Variants in OGFOD3 observed in about 807,000 individuals in gnomAD.
OGFOD3 encodes 2-oxoglutarate and iron dependent oxygenase domain containing 3, also known as 2-oxoglutarate and iron-dependent oxygenase domain-containing protein 3.
A neutral mutation model predicts 39.8 loss-of-function variants in OGFOD3; 35 were observed. The ratio of observed to expected loss-of-function variants is 0.88; its 90% confidence interval spans 0.67 to 1.17. The LOEUF (loss-of-function observed/expected upper bound fraction) is 1.17, where lower values mean the gene tolerates loss of function less well. Among genes scored for constraint, OGFOD3 ranks in the 50% most tolerant of loss-of-function variants. OGFOD3 has a pLI of 0.00. For missense variants in OGFOD3, 438 were observed against 454.5 expected (o/e 0.96, Z 0.33); for synonymous variants, 200 against 192.0 (o/e 1.04, Z -0.34).
rs929663723 is a variant in OGFOD3, at chr17:82,415,200, C to T, written c.304+198G>A. 1.3e-4 allele frequency among the ~76,000 whole-genome samples: 20 copies of T among 152,210 alleles called. No homozygotes were observed. The highest frequency in any genetic ancestry group is 4.8e-4 in the African/African-American group (20 of 41,450). Reference sequence around the variant, plus strand: ...ACCGCACAGCTTACTAAAACGCCAACCGTGGCCGGGCAGTGATGGGCAGGG... The same window carrying T: ...ACCGCACAGCTTACTAAAACGCCAATCGTGGCCGGGCAGTGATGGGCAGGG... On this transcript the variant is annotated intron_variant, in intron 2 of 8. Coordinates refer to ENST00000313056, the MANE Select transcript of OGFOD3 (RefSeq NM_024648.3). The surrounding 1 kb of genome is among the most constrained non-coding windows in gnomAD (Gnocchi z 5.3).
At chr17:82,393,075 C>G (rs1450296224) in intron 8 of OGFOD3, 3 of 153,186 alleles carry the variant, frequency 2.0e-5, no homozygotes, top group African/African-American at 7.2e-5. Flanking sequence ...CGGCAGTAAC[C>G]AGGGCCCGGG....
At position 82,404,186 on chromosome 17, in the gene OGFOD3, T is replaced by A; in HGVS notation, c.546-96A>T. ...GTGGCAGGAAAGGAACCAGCCTTCG[T>A]ACGGCTCCGGGCCCGCGGGGCGGGG... On this transcript the variant is annotated intron_variant, in intron 6 of 8. Coordinates refer to ENST00000313056, the MANE Select transcript of OGFOD3 (RefSeq NM_024648.3). This position sits in a 1 kb window ranked among gnomAD's most constrained non-coding sequence, Gnocchi z 4.5. 1 of 1,385,876 alleles carries A rather than the reference T, an allele frequency of 7.2e-7. No homozygotes were observed. The highest frequency in any genetic ancestry group is 9.6e-7 in the Non-Finnish European group (1 of 1,045,758). The allele number at this position is 1,385,876 out of a possible 1,614,324, so 85.8% of individuals were successfully genotyped here.
Position 82,415,554 on chromosome 17 carries a change from C to T in OGFOD3, c.148G>A (p.Gly50Arg). 6.2e-7 allele frequency: 1 copy of T among 1,613,526 alleles called. No homozygotes were observed. The highest frequency in any genetic ancestry group is 1.1e-5 in the South Asian group (1 of 91,072). ...QRPWLRTAGL[G>R]AGFVLTALLL... ...AGTGCGGTGAGCACAAAGCCAGCCCCCAGGCCCGCGGTCCTTAGCCACGGC... is the reference window on the plus strand; with the variant it reads ...AGTGCGGTGAGCACAAAGCCAGCCCTCAGGCCCGCGGTCCTTAGCCACGGC... Residue 50 changes from glycine (G) to arginine (R), a missense_variant, in exon 2 of 9, where the codon GGG becomes AGG. Physicochemically the swap from Gly to Arg is moderately radical, Grantham distance 125 (BLOSUM62 -2). Transcript: ENST00000313056. This position sits in a 1 kb window ranked among gnomAD's most constrained non-coding sequence, Gnocchi z 5.3.
chr17:82,410,015 G>A (rs1014958221), intron 3 of OGFOD3, among the ~76,000 whole-genome samples: 3 of 152,226 alleles, frequency 2.0e-5, no homozygotes, highest in Non-Finnish European at 4.4e-5. Flanking sequence ...ATCTAGGGGA[G>A]GGCCCACTGC....
At chr17:82,408,739 G>A (rs2052895755) in intron 4 of OGFOD3, among the ~76,000 whole-genome samples, 1 of 152,120 alleles carries the variant, frequency 6.6e-6, no homozygotes, top group African/African-American at 2.4e-5. Flanking sequence ...ATAGGCACTT[G>A]CCATTGGATT....
intron 3 of OGFOD3, among the ~76,000 whole-genome samples, chr17:82,409,638 CTG>C (rs1446221169): frequency 6.6e-6 from 1 of 152,184 alleles, no homozygotes; most frequent in Non-Finnish European, 1.5e-5. Flanking sequence ...TTAGAAACGA[CTG>C]GGCTTCAGCA....
intron 2 of OGFOD3, 153 bp from the exon 3 acceptor site, chr17:82,411,683 C>CG: frequency 1.6e-6 from 1 of 614,200 alleles, no homozygotes; most frequent in Non-Finnish European, 2.9e-6. Flanking sequence ...GCGCTTTGTG[C>CG]GGTGCATCTG....
Position 82,403,993 on chromosome 17 carries a change from T to G in OGFOD3, c.643A>C (p.Asn215His). 2 of 1,611,072 alleles carry G rather than the reference T, an allele frequency of 1.2e-6. No individual in the cohort carries two copies. Among genetic ancestry groups the G allele is most frequent in the Non-Finnish European group, 1.7e-6 (2 of 1,178,916 alleles). Residue 215 changes from asparagine to histidine, a missense_variant, in exon 7 of 9, where the codon AAC (asparagine) becomes CAC (histidine). Asn to His is a moderately conservative substitution (Grantham distance 68, BLOSUM62 1). Transcript: ENST00000313056. ...TGCGCCGTCCGCGCTTCCGTGCTGT[T>G]TATGCGGGAGAAGAAGGTGGGCTTG... ...LTKPTFFSRI[N>H]STEARTAHDE...
chr17:82,394,441 C>G (rs769197202), intron 8 of OGFOD3: 2 of 1,613,724 alleles, frequency 1.2e-6, no homozygotes, highest in Admixed American at 1.7e-5. Flanking sequence ...GTGGTGAGTC[C>G]CCGGAGGACA....
In OGFOD3 at chr17:82,394,226, A is replaced by T. The variant is rs2052635425; in HGVS notation, c.824-1692T>A. Reference sequence around the variant, plus strand: ...AGGATGGTCTCGATCTCCTGACCTCATGACCCGCCCGTCTTGGCCTCCCAA... The same window carrying T: ...AGGATGGTCTCGATCTCCTGACCTCTTGACCCGCCCGTCTTGGCCTCCCAA... On this transcript the variant is annotated intron_variant, in intron 8 of 8. Coordinates refer to ENST00000313056, the MANE Select transcript of OGFOD3 (RefSeq NM_024648.3). The T allele has an allele frequency of 3.6e-6, 3 of 822,356 alleles. No individual in the cohort carries two copies. In the East Asian group the frequency reaches 8.1e-5, roughly 22 times the overall value. 50.9% of individuals were successfully genotyped at this position (822,356 alleles called of 1,614,324 possible).
intron 2 of OGFOD3, among the ~76,000 whole-genome samples, chr17:82,412,821 G>A (rs140856456): frequency 6.6e-6 from 1 of 152,174 alleles, no homozygotes; most frequent in East Asian, 1.9e-4. Context: ...GGGGCAAACC[G>A]GGACTCCACA....
Position 82,398,293 on chromosome 17 carries a change from G to T in OGFOD3, c.726C>A (p.Thr242=). 1.2e-6 allele frequency: 2 copies of T among 1,614,192 alleles called. No individual in the cohort carries two copies. The highest frequency in any genetic ancestry group is 1.7e-6 in the Non-Finnish European group (2 of 1,180,022). Residue 242 remains threonine, a synonymous_variant, in exon 8 of 9, where the codon ACC becomes ACA. Coordinates refer to ENST00000313056, the MANE Select transcript of OGFOD3 (RefSeq NM_024648.3). ...DKVTYGSFDY[T]SLLYLSNYLE... ...GGTAGTTGGAGAGGTACAGCAGCGA[G>T]GTGTAGTCGAAGGAGCCGTAGGTCA...
chr17:82,408,481 C>A (rs4789768), intron 4 of OGFOD3, among the ~76,000 whole-genome samples: 1 of 152,160 alleles, frequency 6.6e-6, no homozygotes. Context: ...CCACAGCCGG[C>A]GGTGGCTCCA....
intron 4 of OGFOD3, among the ~76,000 whole-genome samples, chr17:82,407,576 G>T (rs188957484): frequency 7.5e-4 from 115 of 152,322 alleles, no homozygotes; most frequent in Non-Finnish European, 1.3e-3. Context: ...TACGTCCTCA[G>T]AGGAAGAGGC....
At chr17:82,403,617 C>A (rs1365521661) in intron 7 of OGFOD3, among the ~76,000 whole-genome samples, 1 of 152,252 alleles carries the variant, frequency 6.6e-6, no homozygotes, top group East Asian at 1.9e-4. Flanking sequence ...GGCGACAGAG[C>A]GAGACTCTGT....
At position 82,415,542 on chromosome 17, in the gene OGFOD3, C is replaced by T; in HGVS notation, c.160G>A (p.Val54Met). 6.2e-7 allele frequency: 1 copy of T among 1,613,554 alleles called. No individual in the cohort carries two copies. The highest frequency in any genetic ancestry group is 8.5e-7 in the Non-Finnish European group (1 of 1,179,946). Residue 54 changes from valine to methionine, a missense_variant, in exon 2 of 9, where the codon GTG (valine) becomes ATG (methionine). By Grantham distance (21) the Val-to-Met change is conservative. Transcript: ENST00000313056. This position sits in a 1 kb window ranked among gnomAD's most constrained non-coding sequence, Gnocchi z 5.3. ...LRTAGLGAGF[V>M]LTALLLWSSL... ...CTCCAGAGCAGGAGTGCGGTGAGCACAAAGCCAGCCCCCAGGCCCGCGGTC... is the reference window on the plus strand; with the variant it reads ...CTCCAGAGCAGGAGTGCGGTGAGCATAAAGCCAGCCCCCAGGCCCGCGGTC...
chr17:82,394,327 T>C, intron 8 of OGFOD3: 1 of 1,532,562 alleles, frequency 6.5e-7, no homozygotes. Flanking sequence ...TATTAGATTA[T>C]CACCTGCTTC....
At chr17:82,410,260 C>T (rs2052921869) in intron 3 of OGFOD3, among the ~76,000 whole-genome samples, 1 of 152,226 alleles carries the variant, frequency 6.6e-6, no homozygotes, top group African/African-American at 2.4e-5. Context: ...GCAGCAGTAA[C>T]CCTGCGTGGA....
chr17:82,399,239 C>T (rs532270936), intron 7 of OGFOD3, among the ~76,000 whole-genome samples: 2 of 152,350 alleles, frequency 1.3e-5, no homozygotes, highest in South Asian at 2.1e-4. Flanking sequence ...TCTCCAGCCT[C>T]ATGCATTGTT....
Sources: gnomAD v4.1 joint callset for allele counts (sites outside exome capture counted in the v4.1 genomes callset) on GRCh38, gnomAD v4.1.1 for gene constraint, Gnocchi (gnomAD v3.1) non-coding constraint, MANE v1.5 for transcripts, NCBI Gene and HGNC (gene_info 2026-07-23, HGNC 2026-07-21) for gene names.